The following GRID2 variants were observed in gnomAD, a reference collection of about 807,000 sequenced individuals.
GRID2 encodes glutamate receptor ionotropic, delta-2.
A neutral mutation model predicts 114.8 loss-of-function variants in GRID2; 33 were observed. The observed-to-expected ratio is 0.29, with a 90% CI of 0.22 to 0.38. GRID2 has a LOEUF of 0.38. GRID2 is among the 10% of genes least tolerant of loss of function. The pLI, the probability that GRID2 is intolerant of heterozygous loss-of-function variation, is 1.00. For missense variants in GRID2, 1,184 were observed against 1,257.7 expected, an observed-to-expected ratio of 0.94 and a Z score of 0.89; for synonymous variants, 505 against 449.9, an observed-to-expected ratio of 1.12 and a Z score of -1.55.
chr4:93,058,890 A>G (rs1046394364), intron 2 of GRID2, among the ~76,000 whole-genome samples: 43 of 152,060 alleles, frequency 2.8e-4, no homozygotes, highest in Non-Finnish European at 1.5e-4. Context: ...GCATTATAAA[A>G]GAAATTGTTA....
At chr4:93,462,798 G>C (rs1025278388) in intron 11 of GRID2, among the ~76,000 whole-genome samples, 1 of 152,092 alleles carries the variant, frequency 6.6e-6, no homozygotes, top group Non-Finnish European at 1.5e-5. Flanking sequence ...TCAAGCCTTG[G>C]AATGCAGTAG....
intron 2 of GRID2, among the ~76,000 whole-genome samples, chr4:92,873,636 A>G (rs1745431031): frequency 6.6e-6 from 1 of 152,148 alleles, no homozygotes; most frequent in Non-Finnish European, 1.5e-5. Flanking sequence ...CCTATCCATA[A>G]AAGAGAGGTA....
intron 7 of GRID2, among the ~76,000 whole-genome samples, chr4:93,231,955 T>C (rs2149502224): frequency 6.6e-6 from 1 of 152,208 alleles, no homozygotes; most frequent in South Asian, 2.1e-4. Flanking sequence ...TTAATGGAAA[T>C]TTCAAAACTA....
chr4:92,948,842 A>C (rs1336847169), intron 2 of GRID2, among the ~76,000 whole-genome samples: 1 of 151,976 alleles, frequency 6.6e-6, no homozygotes, highest in Non-Finnish European at 1.5e-5. Flanking sequence ...TAACTTTCAG[A>C]TTTATTCTTT....
chr4:93,728,594 T>A (rs528311592), intron 14 of GRID2, among the ~76,000 whole-genome samples: 1 of 152,310 alleles, frequency 6.6e-6, no homozygotes, highest in East Asian at 1.9e-4. Flanking sequence ...GGTGTTAAAG[T>A]CTCCCATTAT....
chr4:92,652,071 A>G (rs531502429), intron 2 of GRID2, among the ~76,000 whole-genome samples: 161 of 152,160 alleles, frequency 1.1e-3, no homozygotes, highest in African/African-American at 3.7e-3. Flanking sequence ...CATACGTACC[A>G]TTTCCATTTG....
chr4:93,503,832 T>A (rs2149477301), intron 12 of GRID2, among the ~76,000 whole-genome samples: 1 of 152,196 alleles, frequency 6.6e-6, no homozygotes, highest in East Asian at 1.9e-4. Flanking sequence ...TGAGATAAAT[T>A]TAAAAAAAAT....
chr4:93,266,800 C>G (rs762955488), intron 8 of GRID2, among the ~76,000 whole-genome samples: 1 of 152,090 alleles, frequency 6.6e-6, no homozygotes, highest in Non-Finnish European at 1.5e-5. Context: ...CCCAGAAGTA[C>G]GTGTAGTGTT....
chr4:92,943,118 C>G (rs1463395634), intron 2 of GRID2, among the ~76,000 whole-genome samples: 5 of 152,068 alleles, frequency 3.3e-5, no homozygotes, highest in South Asian at 2.1e-4. Flanking sequence ...TGTTGGCCTG[C>G]CTTGCTAGAT....
intron 2 of GRID2, among the ~76,000 whole-genome samples, chr4:92,849,719 ATCTCTACCTTAATTTATT>A (rs1743618071): frequency 6.6e-6 from 1 of 151,786 alleles, no homozygotes; most frequent in Non-Finnish European, 1.5e-5. Context: ...AGACATTATA[ATCTCTACCTTAATTTATT>A]ATTTATTATG....
chr4:93,565,964 G>T (rs1325274129), intron 13 of GRID2, among the ~76,000 whole-genome samples: 3 of 152,140 alleles, frequency 2.0e-5, no homozygotes, highest in Non-Finnish European at 2.9e-5. Context: ...ACCCAACAAA[G>T]GTTTATTTGA....
At chr4:92,923,480 C>A (rs1749533511) in intron 2 of GRID2, among the ~76,000 whole-genome samples, 1 of 151,910 alleles carries the variant, frequency 6.6e-6, no homozygotes, top group Non-Finnish European at 1.5e-5. Context: ...GTGAATAGTA[C>A]TAATACCATA....
At chr4:93,030,569 G>A (rs1724315864) in intron 2 of GRID2, among the ~76,000 whole-genome samples, 1 of 151,764 alleles carries the variant, frequency 6.6e-6, no homozygotes, top group African/African-American at 2.4e-5. Flanking sequence ...ATTTTTAGTA[G>A]AGACAGGATT....
At chr4:92,728,856 A>G (rs543186742) in intron 2 of GRID2, among the ~76,000 whole-genome samples, 3 of 144,088 alleles carry the variant, frequency 2.1e-5, no homozygotes, top group Non-Finnish European at 4.6e-5. Context: ...GAGCATACAA[A>G]GATATTTGTT....
chr4:93,016,241 T>C (rs1219315983), intron 2 of GRID2, among the ~76,000 whole-genome samples: 1 of 151,972 alleles, frequency 6.6e-6, no homozygotes. Context: ...GAAAATATCA[T>C]TAAATAGGGA....
At chr4:93,212,393 G>A (rs945294134) in intron 5 of GRID2, among the ~76,000 whole-genome samples, 2 of 152,144 alleles carry the variant, frequency 1.3e-5, no homozygotes, top group East Asian at 3.9e-4. Context: ...GGCTGTGCTA[G>A]CTCATATGGT....
intron 9 of GRID2, among the ~76,000 whole-genome samples, chr4:93,402,116 A>G (rs2149339953): frequency 6.6e-6 from 1 of 152,212 alleles, no homozygotes; most frequent in African/African-American, 2.4e-5. Flanking sequence ...TTCATTTTTT[A>G]TTCAAAGTAC....
chr4:92,807,560 T>G (rs10021312), intron 2 of GRID2, among the ~76,000 whole-genome samples: 92,312 of 151,620 alleles, frequency 0.61, 29,201 homozygotes, highest in Middle Eastern at 0.84. Context: ...CATAATAAAA[T>G]CTATAATATT....
chr4:93,757,038 C>CTAT (rs1257985676), intron 14 of GRID2, among the ~76,000 whole-genome samples: 1 of 152,114 alleles, frequency 6.6e-6, no homozygotes, highest in African/African-American at 2.4e-5. Flanking sequence ...AACATTTTTG[C>CTAT]AGAGGAGATG....
Sources: gnomAD v4.1 joint callset for allele counts (sites outside exome capture counted in the v4.1 genomes callset) on GRCh38, gnomAD v4.1.1 for gene constraint, MANE v1.5 for transcripts, NCBI Gene and HGNC (gene_info 2026-07-23, HGNC 2026-07-21) for gene names.